Variants in KHDRBS2 observed in about 807,000 individuals in gnomAD.
KHDRBS2 encodes KH domain-containing, RNA-binding, signal transduction-associated protein 2.
A neutral mutation model predicts 44.3 loss-of-function variants in KHDRBS2; 26 were observed. That is an observed-to-expected ratio of 0.59 (90% CI 0.43 to 0.81). The LOEUF (loss-of-function observed/expected upper bound fraction) is 0.81. KHDRBS2 is among the 40% of genes least tolerant of loss of function. The pLI, the probability that KHDRBS2 is intolerant of heterozygous loss-of-function variation, is 0.00. For missense variants in KHDRBS2, 476 were observed against 433.1 expected (o/e 1.10, Z -0.88); for synonymous variants, 194 against 151.1 (o/e 1.28, Z -2.08).
At chr6:62,108,959 C>T (rs568521138) in intron 2 of KHDRBS2, among the ~76,000 whole-genome samples, 15 of 151,570 alleles carry the variant, frequency 9.9e-5, no homozygotes, top group Admixed American at 3.3e-4. Flanking sequence ...GGTGGGAGGA[C>T]GAGGGGAGGG....
intron 2 of KHDRBS2, among the ~76,000 whole-genome samples, chr6:62,115,868 AAAAG>A (rs1806097984): frequency 6.6e-6 from 1 of 152,152 alleles, no homozygotes; most frequent in Non-Finnish European, 1.5e-5. Flanking sequence ...CTGAGATAGA[AAAAG>A]AAAGGCCCAA....
chr6:62,256,136 G>A (rs191457121), intron 1 of KHDRBS2, among the ~76,000 whole-genome samples: 2,776 of 132,788 alleles, frequency 0.021, 51 homozygotes, highest in Non-Finnish European at 0.037. Context: ...CTCCAACTCC[G>A]AAAGAAAAAA....
At chr6:62,046,644 CTT>C (rs1787763750) in intron 3 of KHDRBS2, among the ~76,000 whole-genome samples, 1 of 151,856 alleles carries the variant, frequency 6.6e-6, no homozygotes, top group Non-Finnish European at 1.5e-5. Context: ...ATTTTCTCCT[CTT>C]ATATAAAGAA....
At chr6:61,563,434 T>C in the KHDRBS2 span, among the ~76,000 whole-genome samples, 751 of 152,264 alleles carry the variant, frequency 4.9e-3, 6 homozygotes, top group African/African-American at 0.017. Context: ...TCTGACGTTC[T>C]CTAATTATTG....
intron 8 of KHDRBS2, among the ~76,000 whole-genome samples, chr6:61,690,568 A>C (rs1767288536): frequency 6.6e-6 from 1 of 152,082 alleles, no homozygotes; most frequent in South Asian, 2.1e-4. Context: ...TAAAAAGTCA[A>C]GGTTGAGATT....
intron 7 of KHDRBS2, among the ~76,000 whole-genome samples, chr6:61,718,293 T>A (rs894072507): frequency 2.0e-5 from 3 of 152,128 alleles, no homozygotes; most frequent in South Asian, 2.1e-4. Flanking sequence ...AATGTAGATA[T>A]GTATATTCAC....
At chr6:62,057,179 A>G (rs1352036865) in intron 2 of KHDRBS2, among the ~76,000 whole-genome samples, 1 of 151,968 alleles carries the variant, frequency 6.6e-6, no homozygotes, top group African/African-American at 2.4e-5. Context: ...TTATAAAAGT[A>G]CAATCTACCA....
Position 62,286,115 on chromosome 6 carries a change from G to A in KHDRBS2, c.-167C>T. 3.5e-6 allele frequency: 2 copies of A among 578,556 alleles called. No individual in the cohort carries two copies. Among genetic ancestry groups the A allele is most frequent in the Non-Finnish European group, 6.1e-6 (2 of 330,574 alleles). 35.8% of individuals were successfully genotyped at this position (578,556 alleles called of 1,614,324 possible). ...GCACCCAGCACCTGCGACTCCCGCC[G>A]TCGGGCTGCGTGGCCCCGCGCCCAC... On this transcript the variant is annotated 5_prime_UTR_variant, in exon 1 of 9. The change creates a new upstream start codon in the 5' untranslated region. Coordinates refer to ENST00000281156, the MANE Select transcript of KHDRBS2 (RefSeq NM_152688.4).
At chr6:61,756,559 C>T (rs1309590518) in intron 6 of KHDRBS2, among the ~76,000 whole-genome samples, 1 of 152,190 alleles carries the variant, frequency 6.6e-6, no homozygotes, top group Non-Finnish European at 1.5e-5. Context: ...CATGCCCAGC[C>T]TCATTATGAA....
chr6:61,721,942 A>T (rs1360116484), intron 7 of KHDRBS2, among the ~76,000 whole-genome samples: 2 of 145,962 alleles, frequency 1.4e-5, no homozygotes, highest in African/African-American at 2.5e-5. Context: ...TATTATTTTG[A>T]GATACGTCCA....
At chr6:61,755,492 G>A (rs951656532) in intron 6 of KHDRBS2, among the ~76,000 whole-genome samples, 1 of 151,966 alleles carries the variant, frequency 6.6e-6, no homozygotes, top group Admixed American at 6.6e-5. Flanking sequence ...AGCTCCTGAG[G>A]TCATCAACTT....
chr6:62,088,333 G>T (rs971467371), intron 2 of KHDRBS2, among the ~76,000 whole-genome samples: 5 of 152,058 alleles, frequency 3.3e-5, no homozygotes, highest in Admixed American at 1.3e-4. Flanking sequence ...CCTCTTCATG[G>T]GTTTATCCAC....
chr6:61,738,869 A>G (rs368934721), intron 6 of KHDRBS2, among the ~76,000 whole-genome samples: 1 of 151,946 alleles, frequency 6.6e-6, no homozygotes, highest in African/African-American at 2.4e-5. Flanking sequence ...TTAAAATAAT[A>G]GTAATTCATC....
chr6:61,587,875 T>G, the KHDRBS2 span, among the ~76,000 whole-genome samples: 1 of 150,314 alleles, frequency 6.7e-6, no homozygotes, highest in Non-Finnish European at 1.5e-5. Context: ...GATGTTACTA[T>G]CTAATTATAG....
At chr6:61,867,379 T>A (rs776945995) in intron 6 of KHDRBS2, among the ~76,000 whole-genome samples, 1 of 152,150 alleles carries the variant, frequency 6.6e-6, no homozygotes, top group Non-Finnish European at 1.5e-5. Context: ...TCCCACCATG[T>A]GCCTTCCACA....
chr6:62,035,149 T>C (rs1785049017), intron 3 of KHDRBS2, among the ~76,000 whole-genome samples: 1 of 151,960 alleles, frequency 6.6e-6, no homozygotes, highest in South Asian at 2.1e-4. Flanking sequence ...GTACATACCC[T>C]AACAAAAAGG....
chr6:62,050,230 G>A (rs1222409889), intron 2 of KHDRBS2, among the ~76,000 whole-genome samples: 3 of 151,994 alleles, frequency 2.0e-5, no homozygotes, highest in African/African-American at 7.2e-5. Context: ...ACTCATAAGT[G>A]GGAGTTGAAC....
At chr6:61,787,705 C>T (rs545058761) in intron 6 of KHDRBS2, among the ~76,000 whole-genome samples, 2 of 151,616 alleles carry the variant, frequency 1.3e-5, no homozygotes, top group African/African-American at 2.4e-5. Flanking sequence ...AGCCCAATGA[C>T]AATTTGAGTA....
At chr6:62,064,680 A>T (rs1279763929) in intron 2 of KHDRBS2, among the ~76,000 whole-genome samples, 1 of 152,038 alleles carries the variant, frequency 6.6e-6, no homozygotes, top group East Asian at 1.9e-4. Context: ...TAAAAACCCT[A>T]GAAGAAAACC....
Sources: gnomAD v4.1 joint callset for allele counts (sites outside exome capture counted in the v4.1 genomes callset) on GRCh38, gnomAD v4.1.1 for gene constraint, MANE v1.5 for transcripts, NCBI Gene and HGNC (gene_info 2026-07-23, HGNC 2026-07-21) for gene names.